The following DNAH17 variants were observed in gnomAD, a reference collection of about 807,000 sequenced individuals.
The protein encoded by DNAH17 is axonemal beta dynein heavy chain 17.
In DNAH17, 376 loss-of-function variants were observed where a neutral mutation model predicts 485.6. The ratio of observed to expected loss-of-function variants is 0.77; its 90% CI spans 0.71 to 0.84. DNAH17 has a LOEUF of 0.84. Among genes scored for constraint, DNAH17 ranks in the 40% least tolerant of loss-of-function variants. The pLI is 0.00. For missense variants in DNAH17, 6,370 were observed against 5,839.3 expected, an observed-to-expected ratio of 1.09 and a Z score of -2.96; for synonymous variants, 3,031 against 2,405.9, an observed-to-expected ratio of 1.26 and a Z score of -7.60.
intron 13 of DNAH17, among the ~76,000 whole-genome samples, chr17:78,559,009 CTT>C (rs2092093384): frequency 6.6e-6 from 1 of 152,214 alleles, no homozygotes; most frequent in Non-Finnish European, 1.5e-5. Flanking sequence ...TTATTAGTCT[CTT>C]TTGATAATCT....
intron 15 of DNAH17, 80 bp from the exon 16 acceptor site, chr17:78,551,718 C>T (rs1275926301): frequency 7.2e-7 from 1 of 1,391,382 alleles, no homozygotes; most frequent in East Asian, 2.3e-5. Context: ...AATCTCAGCC[C>T]TTTGGGAGGT....
intron 11 of DNAH17, among the ~76,000 whole-genome samples, chr17:78,562,245 T>C (rs1344222237): frequency 1.3e-5 from 2 of 152,152 alleles, no homozygotes; most frequent in Non-Finnish European, 2.9e-5. Context: ...AAGAGTTTTT[T>C]CTAAGCCTAG....
Position 78,490,794 on chromosome 17 carries a change from C to T in DNAH17, c.6723G>A (p.Leu2241=). Reference sequence around the variant, plus strand: ...TCCTCAGGTGGCTGATTTCGAACACCAGCCTCATGGTGCGGTTCAGGGGGA... The same window carrying T: ...TCCTCAGGTGGCTGATTTCGAACACTAGCCTCATGGTGCGGTTCAGGGGGA... ...ERIPLNRTMR[L]VFEISHLRTA... is the part of the protein sequence containing the mutation. The change falls in exon 44 of 81, where the codon CTG becomes CTA. Residue 2241 remains leucine (L), a synonymous_variant. Coordinates refer to ENST00000389840, the MANE Select transcript of DNAH17 (RefSeq NM_173628.4). 6.2e-7 allele frequency: 1 copy of T among 1,604,666 alleles called. No homozygotes were observed. Among genetic ancestry groups the T allele is most frequent in the African/African-American group, 1.3e-5 (1 of 74,852 alleles).
chr17:78,455,727 C>T lies in DNAH17; in HGVS notation c.10087G>A (p.Val3363Met), dbSNP rs773987903. ...CGDVLLISAF[V>M]SYVGYFTKKY... is the part of the protein sequence containing the mutation. ...TTGGTGAAGTAGCCCACGTAGGACA[C>T]GAAGGCAGAGATGAGCAGGACGTCC... The change falls in exon 63 of 81, where the codon GTG becomes ATG. Residue 3363 changes from valine to methionine, a missense_variant. Transcript: ENST00000389840. 30 of 1,610,338 alleles carry T rather than the reference C, an allele frequency of 1.9e-5. No individual in the cohort carries two copies. The Admixed American group carries it at 3.5e-4, about 19-fold the overall frequency.
At chr17:78,558,940 T>C (rs997895118) in intron 13 of DNAH17, among the ~76,000 whole-genome samples, 1 of 152,190 alleles carries the variant, frequency 6.6e-6, no homozygotes, top group Non-Finnish European at 1.5e-5. Context: ...TGGCACTCTT[T>C]CCTTCTGGGC....
intron 16 of DNAH17, among the ~76,000 whole-genome samples, chr17:78,549,217 A>G (rs2091845621): frequency 6.6e-6 from 1 of 152,206 alleles, no homozygotes; most frequent in African/African-American, 2.4e-5. Context: ...TAATGAGATC[A>G]TGAGAGTAGG....
intron 42 of DNAH17, among the ~76,000 whole-genome samples, chr17:78,492,007 G>A (rs536064482): frequency 7.0e-4 from 106 of 152,184 alleles, no homozygotes; most frequent in Non-Finnish European, 1.3e-3. Context: ...CTTCTAGTAG[G>A]GGAAGTGAGC....
intron 1 of DNAH17, among the ~76,000 whole-genome samples, chr17:78,576,313 G>A (rs1354654811): frequency 2.6e-5 from 4 of 152,178 alleles, no homozygotes; most frequent in Non-Finnish European, 4.4e-5. Context: ...GTAGTGGATA[G>A]CATTTGGATG....
At chr17:78,477,917 A>C (rs1025364970) in intron 51 of DNAH17, among the ~76,000 whole-genome samples, 6 of 149,190 alleles carry the variant, frequency 4.0e-5, no homozygotes, top group African/African-American at 1.5e-4. Context: ...TTACCACATC[A>C]CCATCACCAC....
At chr17:78,438,658 T>G (rs1436078547) in intron 73 of DNAH17, among the ~76,000 whole-genome samples, 1 of 150,908 alleles carries the variant, frequency 6.6e-6, no homozygotes, top group East Asian at 2.0e-4. Flanking sequence ...GCCAGCACAC[T>G]TGGCTAATTT....
rs931832880 is a variant in DNAH17, at chr17:78,502,757, C to G, written c.5083-59G>C. On this transcript the variant is annotated intron_variant, in intron 32 of 80. Coordinates refer to ENST00000389840, the MANE Select transcript of DNAH17 (RefSeq NM_173628.4). ...GAGCGATCGCTGGCGCCTGCTAACGCAGACATTCCTGCTGAAAGCTTAGAT... is the reference window on the plus strand; with the variant it reads ...GAGCGATCGCTGGCGCCTGCTAACGGAGACATTCCTGCTGAAAGCTTAGAT... The G allele has an allele frequency of 2.1e-5, 33 of 1,597,578 alleles. 1 individual carries two copies. In the South Asian group the frequency reaches 3.7e-4, roughly 18 times the overall value.
chr17:78,437,727 T>A lies in DNAH17; in HGVS notation c.11947A>T (p.Ile3983Phe). The change falls in exon 74 of 81, where the codon ATT becomes TTT. Residue 3983 changes from isoleucine (I) to phenylalanine (F), a missense_variant. Transcript: ENST00000389840. Reference sequence around the variant, plus strand: ...GTGATCTTGATGGCGTTCTCCAGAATGCCCTGGGGGATGATGTGGGTCTCG... The same window carrying A: ...GTGATCTTGATGGCGTTCTCCAGAAAGCCCTGGGGGATGATGTGGGTCTCG... ...SPETHIIPQG[I>F]LENAIKITNE... The A allele has an allele frequency of 6.2e-7, 1 of 1,612,364 alleles. No homozygotes were observed. Among genetic ancestry groups the A allele is most frequent in the Non-Finnish European group, 8.5e-7 (1 of 1,179,708 alleles).
At chr17:78,562,624 G>GA (rs563106435) in intron 11 of DNAH17, among the ~76,000 whole-genome samples, 104 of 151,978 alleles carry the variant, frequency 6.8e-4, no homozygotes, top group African/African-American at 2.3e-3. Flanking sequence ...CCTGTCTCCA[G>GA]AAAAAACAAA....
Position 78,491,640 on chromosome 17 carries a change from C to A in DNAH17, c.6542-70G>T, listed in dbSNP as rs140114883. Reference sequence around the variant, plus strand: ...CCATTCCAGTCCCCACCAGTCCTGACCCTGGCCTCTCTCTCTGGGAGGGAG... The same window carrying A: ...CCATTCCAGTCCCCACCAGTCCTGAACCTGGCCTCTCTCTCTGGGAGGGAG... On this transcript the variant is annotated intron_variant, in intron 42 of 80. Coordinates refer to ENST00000389840, the MANE Select transcript of DNAH17 (RefSeq NM_173628.4). 265 of 1,545,338 alleles carry A rather than the reference C, an allele frequency of 1.7e-4. No homozygotes were observed. In the African/African-American group the frequency reaches 3.2e-3, roughly 18 times the overall value.
chr17:78,435,259 C>T (rs186287306), intron 74 of DNAH17, among the ~76,000 whole-genome samples: 1 of 152,268 alleles, frequency 6.6e-6, no homozygotes, highest in Non-Finnish European at 1.5e-5. Context: ...TGGCGGGTGT[C>T]ACCGTCCATC....
rs377510490 is a variant in DNAH17 at position 78,492,691 on chromosome 17, G to C, written c.6483C>G (p.Ala2161=). Residue 2161 remains alanine, a synonymous_variant, in exon 42 of 81, where the codon GCC becomes GCG. Transcript: ENST00000389840. ...TGCCAAAGAGCTCGTCGCAGGTGACGGCCTTGGGGTCCAGGTCCACGGCGA... is the reference window on the plus strand; with the variant it reads ...TGCCAAAGAGCTCGTCGCAGGTGACCGCCTTGGGGTCCAGGTCCACGGCGA... ...KPVAVDLDPK[A]VTCDELFGII... is the part of the protein sequence containing the mutation. 9.3e-6 allele frequency: 15 copies of C among 1,613,492 alleles called. No individual in the cohort carries two copies. Among genetic ancestry groups the C allele is most frequent in the Non-Finnish European group, 1.3e-5 (15 of 1,179,738 alleles).
chr17:78,517,650 A>T (rs2090823555), intron 25 of DNAH17, among the ~76,000 whole-genome samples: 1 of 152,014 alleles, frequency 6.6e-6, no homozygotes, highest in Non-Finnish European at 1.5e-5. Context: ...CCTGAATATC[A>T]CCCTCTCCAC....
At chr17:78,546,068 A>G (rs1272238720) in intron 16 of DNAH17, among the ~76,000 whole-genome samples, 2 of 151,940 alleles carry the variant, frequency 1.3e-5, no homozygotes, top group Non-Finnish European at 2.9e-5. Context: ...TCGACCTCCC[A>G]GGCTCAAAAG....
intron 11 of DNAH17, among the ~76,000 whole-genome samples, chr17:78,563,944 T>C (rs1487140288): frequency 6.6e-6 from 1 of 152,118 alleles, no homozygotes; most frequent in African/African-American, 2.4e-5. Flanking sequence ...TGTTTTAAAT[T>C]GAGCATAAAC....
Sources: gnomAD v4.1 joint callset for allele counts (sites outside exome capture counted in the v4.1 genomes callset) on GRCh38, gnomAD v4.1.1 for gene constraint, MANE v1.5 for transcripts, NCBI Gene and HGNC (gene_info 2026-07-23, HGNC 2026-07-21) for gene names.